PDE11A: variants seen among roughly 807,000 people sequenced by gnomAD.
PDE11A encodes the protein phosphodiesterase 11A.
Under a neutral mutation model 100.5 loss-of-function variants are expected in PDE11A, and 100 were observed. That is an observed-to-expected ratio of 1.00 (90% CI 0.85 to 1.18). The LOEUF (loss-of-function observed/expected upper bound fraction) is 1.18. Ranked by LOEUF, PDE11A falls within the 50% of genes most tolerant of loss-of-function variation. The pLI is 0.00. For synonymous variants in PDE11A, 381 were observed against 420.8 expected (o/e 0.91, Z 1.16); for missense variants, 1,141 against 1,152.6 (o/e 0.99, Z 0.15).
intron 2 of PDE11A, among the ~76,000 whole-genome samples, chr2:177,989,848 G>C (rs763789962): frequency 6.6e-6 from 1 of 151,958 alleles, no homozygotes; most frequent in Non-Finnish European, 1.5e-5. Context: ...AAATAAAAAC[G>C]AAAAACCAAA....
In PDE11A at chr2:177,624,094, T is replaced by C. The variant is rs1164288824; in HGVS notation, c.*5313A>G. ...CTTAACCTTTACATTTCCTGATACA[T>C]TTGAGTTTTGGGAGTTCTTTACAGC... On this transcript the variant is annotated 3_prime_UTR_variant, in exon 20 of 20. Transcript: ENST00000286063. 2 of 152,188 alleles carry C rather than the reference T, an allele frequency of 1.3e-5. No homozygotes were observed. The highest frequency in any genetic ancestry group is 3.8e-4 in the East Asian group (2 of 5,202). 9.4% of individuals were successfully genotyped at this position (152,188 alleles called of 1,614,324 possible). A position where few individuals can be genotyped will look rare whatever the true frequency, so the allele number is the denominator to read the frequency against.
At chr2:177,805,404 T>A (rs2082855176) in intron 9 of PDE11A, among the ~76,000 whole-genome samples, 1 of 152,022 alleles carries the variant, frequency 6.6e-6, no homozygotes, top group South Asian at 2.1e-4. Flanking sequence ...CTGCCTTATT[T>A]CCAGTGCCCA....
rs74871002 is a variant in PDE11A at position 177,733,003 on chromosome 2, A to G, written c.1789-4831T>C. Among the ~76,000 whole-genome samples the G allele has an allele frequency of 1.2e-3, 185 of 152,382 alleles. 2 individuals carry two copies. The East Asian group carries it at 0.033, about 27-fold the overall frequency. ...CAGTATGTATCCTGAGCAGACAAGC[A>G]TAAAAGATTTGGGAATAGCCTTCCA... is the stretch of plus-strand genomic sequence containing the variant. On this transcript the variant is annotated intron_variant, in intron 10 of 19. Coordinates refer to ENST00000286063, the MANE Select transcript of PDE11A (RefSeq NM_016953.4).
At chr2:177,808,005 A>G (rs2105564570) in intron 9 of PDE11A, among the ~76,000 whole-genome samples, 1 of 152,292 alleles carries the variant, frequency 6.6e-6, no homozygotes. Context: ...GTGAAATTTG[A>G]GGTTTGTTAG....
intron 19 of PDE11A, among the ~76,000 whole-genome samples, chr2:177,655,789 G>T (rs1156807239): frequency 6.6e-6 from 1 of 152,138 alleles, no homozygotes; most frequent in Non-Finnish European, 1.5e-5. Context: ...GTCAAAGAAA[G>T]ATTAAATTTT....
At chr2:178,063,366 T>G (rs2086997300) in intron 1 of PDE11A, among the ~76,000 whole-genome samples, 1 of 152,152 alleles carries the variant, frequency 6.6e-6, no homozygotes, top group South Asian at 2.1e-4. Flanking sequence ...TTTGTTTTAA[T>G]GGGGTATGGT....
At chr2:177,710,731 C>A (rs2081347660) in intron 13 of PDE11A, among the ~76,000 whole-genome samples, 1 of 152,140 alleles carries the variant, frequency 6.6e-6, no homozygotes, top group Non-Finnish European at 1.5e-5. Context: ...AATTGAAATT[C>A]ATCTGCTAGA....
chr2:177,925,192 G>A (rs528342542), intron 2 of PDE11A, among the ~76,000 whole-genome samples: 59 of 151,006 alleles, frequency 3.9e-4, no homozygotes, highest in Middle Eastern at 3.4e-3. Context: ...ATAAACATAC[G>A]TGTGCATGTG....
At chr2:177,998,552 A>T (rs2105815924) in intron 2 of PDE11A, 2 of 1,315,826 alleles carry the variant, frequency 1.5e-6, no homozygotes, top group Non-Finnish European at 2.2e-6. Context: ...ATACATCTTC[A>T]TCTTCACAGA....
chr2:177,917,427 G>T (rs1281685514), intron 2 of PDE11A, among the ~76,000 whole-genome samples: 1 of 152,152 alleles, frequency 6.6e-6, no homozygotes, highest in East Asian at 1.9e-4. Flanking sequence ...AATGTGACAA[G>T]AACCCAGTAA....
intron 2 of PDE11A, among the ~76,000 whole-genome samples, chr2:177,956,973 G>A (rs2085572081): frequency 1.3e-5 from 2 of 151,888 alleles, no homozygotes; most frequent in Admixed American, 1.3e-4. Flanking sequence ...AATGGGTGCA[G>A]CACGCCAACA....
At chr2:178,057,935 G>A (rs1215670075) in intron 1 of PDE11A, among the ~76,000 whole-genome samples, 2 of 152,032 alleles carry the variant, frequency 1.3e-5, no homozygotes, top group African/African-American at 4.8e-5. Context: ...TCGGCTCACT[G>A]CAACCTCCAC....
intron 2 of PDE11A, among the ~76,000 whole-genome samples, chr2:178,009,363 T>G (rs1227186251): frequency 6.6e-6 from 1 of 152,240 alleles, no homozygotes; most frequent in Admixed American, 6.5e-5. Flanking sequence ...CTGCATGGTC[T>G]GCCTTTGTGT....
At chr2:177,899,448 A>G in intron 3 of PDE11A, 1 of 206,404 alleles carries the variant, frequency 4.8e-6, no homozygotes, top group Non-Finnish European at 1.1e-5. Flanking sequence ...AAACAAAACC[A>G]AAAAACATTT....
chr2:177,942,476 C>G (rs903866019), intron 2 of PDE11A, among the ~76,000 whole-genome samples: 1 of 151,096 alleles, frequency 6.6e-6, no homozygotes. Flanking sequence ...GATCTCGGCT[C>G]ACCGCAACCT....
At chr2:178,044,343 G>A (rs965404409) in intron 1 of PDE11A, among the ~76,000 whole-genome samples, 2 of 148,394 alleles carry the variant, frequency 1.3e-5, no homozygotes, top group African/African-American at 4.9e-5. Context: ...AACAGAAAGT[G>A]TATATAGATA....
intron 2 of PDE11A, among the ~76,000 whole-genome samples, chr2:177,936,848 G>A (rs1481288127): frequency 4.6e-5 from 7 of 152,048 alleles, no homozygotes; most frequent in Non-Finnish European, 7.4e-5. Flanking sequence ...TTGAACCCAA[G>A]AGGTGGGAGG....
chr2:177,825,285 C>T (rs1033305647), intron 6 of PDE11A, among the ~76,000 whole-genome samples: 4 of 152,100 alleles, frequency 2.6e-5, no homozygotes, highest in African/African-American at 9.7e-5. Flanking sequence ...AGAGGTGAAG[C>T]ATCAGAGAAT....
chr2:177,681,133 G>A (rs746811274), intron 15 of PDE11A, among the ~76,000 whole-genome samples: 57 of 152,160 alleles, frequency 3.7e-4, no homozygotes, highest in Non-Finnish European at 6.3e-4. Flanking sequence ...TACAACAGAG[G>A]AGATTATAGA....
Sources: allele counts gnomAD v4.1 joint callset (sites outside exome capture counted in the v4.1 genomes callset), GRCh38; gene constraint gnomAD v4.1.1; transcripts MANE v1.5; gene names NCBI Gene and HGNC (gene_info 2026-07-23, HGNC 2026-07-21).